The following CAMTA1 variants were observed in gnomAD, a reference collection of about 807,000 sequenced individuals.
CAMTA1 encodes the protein calmodulin binding transcription activator 1.
CAMTA1 carries 27 observed loss-of-function variants against 170.9 expected under a neutral mutation model. The ratio of observed to expected loss-of-function variants is 0.16; its 90% CI spans 0.12 to 0.22. CAMTA1 has a LOEUF of 0.22. Ranked by LOEUF, CAMTA1 falls within the 10% of genes least tolerant of loss-of-function variation. The pLI is 1.00. For missense variants in CAMTA1, 1,619 were observed against 2,217.2 expected (o/e 0.73, Z 5.42); for synonymous variants, 833 against 891.5 (o/e 0.93, Z 1.17).
chr1:7,011,163 A>C (rs1487508249), intron 3 of CAMTA1, among the ~76,000 whole-genome samples: 1 of 152,168 alleles, frequency 6.6e-6, no homozygotes, highest in Non-Finnish European at 1.5e-5. Context: ...CATTGGGTTG[A>C]AGGGTGATTC....
intron 4 of CAMTA1, among the ~76,000 whole-genome samples, chr1:7,107,338 A>C (rs1035177075): frequency 1.3e-5 from 2 of 149,914 alleles, no homozygotes; most frequent in African/African-American, 5.0e-5. Context: ...GGAATGCAAA[A>C]TGGGGCCAAG....
At chr1:6,838,705 AATATGTT>A (rs1654312622) in intron 3 of CAMTA1, among the ~76,000 whole-genome samples, 1 of 152,112 alleles carries the variant, frequency 6.6e-6, no homozygotes, top group South Asian at 2.1e-4. Context: ...CTTTTCTCTT[AATATGTT>A]ATATATCTGT....
intron 5 of CAMTA1, among the ~76,000 whole-genome samples, chr1:7,332,045 C>T (rs1436419558): frequency 6.6e-6 from 1 of 152,182 alleles, no homozygotes. Context: ...CCTTATTACA[C>T]GGTTCCAGGG....
intron 7 of CAMTA1, 103 bp downstream of exon 7, chr1:7,640,656 G>A (rs902109623): frequency 5.9e-5 from 80 of 1,349,398 alleles, no homozygotes; most frequent in South Asian, 1.4e-4. Flanking sequence ...ATGCGGGTCC[G>A]GAGCCCCATC....
At chr1:7,740,971 A>C (rs926548138) in intron 16 of CAMTA1, among the ~76,000 whole-genome samples, 3 of 152,258 alleles carry the variant, frequency 2.0e-5, no homozygotes, top group Admixed American at 2.0e-4. Flanking sequence ...AAATAATTTT[A>C]GAAAAAGTGG....
chr1:6,918,738 C>T lies in CAMTA1; in HGVS notation c.234+93528C>T, dbSNP rs976936354. ...CTCCTTGGGACTTCCTGGTGGATGACGCCTGGGGAGTTAGAAAACACTCAA... is the reference window on the plus strand; with the variant it reads ...CTCCTTGGGACTTCCTGGTGGATGATGCCTGGGGAGTTAGAAAACACTCAA... On this transcript the variant is annotated intron_variant, in intron 3 of 22. Coordinates refer to ENST00000303635, the MANE Select transcript of CAMTA1 (RefSeq NM_015215.4). The surrounding 1 kb of genome is among the most constrained non-coding windows in gnomAD (Gnocchi z 4.0). Among the ~76,000 whole-genome samples the T allele has an allele frequency of 2.6e-5, 4 of 152,160 alleles. No individual in the cohort carries two copies. The highest frequency in any genetic ancestry group is 1.3e-4 in the Admixed American group (2 of 15,278).
At chr1:7,598,327 G>A (rs1315227939) in intron 6 of CAMTA1, among the ~76,000 whole-genome samples, 1 of 152,146 alleles carries the variant, frequency 6.6e-6, no homozygotes, top group African/African-American at 2.4e-5. Context: ...TCTTAATCCA[G>A]TCTATCATTT....
intron 5 of CAMTA1, among the ~76,000 whole-genome samples, chr1:7,310,553 C>T (rs1465608898): frequency 1.3e-5 from 2 of 151,842 alleles, no homozygotes; most frequent in African/African-American, 4.8e-5. Flanking sequence ...AGTAATGTGT[C>T]GTTTTTCTCT....
chr1:7,628,528 C>T (rs1442403850), intron 6 of CAMTA1, among the ~76,000 whole-genome samples: 1 of 152,360 alleles, frequency 6.6e-6, no homozygotes, highest in Non-Finnish European at 1.5e-5. Context: ...TCATGTAGCA[C>T]CTCTCAGTCC....
intron 3 of CAMTA1, among the ~76,000 whole-genome samples, chr1:7,006,462 A>G (rs1236122533): frequency 6.6e-6 from 1 of 152,158 alleles, no homozygotes; most frequent in East Asian, 1.9e-4. Context: ...ATGGGAAAAA[A>G]ACCCAAGCAG....
At chr1:7,724,549 T>C (rs1336081365) in intron 11 of CAMTA1, among the ~76,000 whole-genome samples, 2 of 152,166 alleles carry the variant, frequency 1.3e-5, no homozygotes, top group African/African-American at 4.8e-5. Context: ...ATTGCATGTA[T>C]GGGCCGGGCG....
intron 19 of CAMTA1, among the ~76,000 whole-genome samples, chr1:7,749,965 C>T (rs561094548): frequency 2.0e-5 from 3 of 152,186 alleles, no homozygotes; most frequent in Non-Finnish European, 4.4e-5. Flanking sequence ...CGTGGTTATT[C>T]AGCTGGAGTG....
chr1:7,335,680 C>A (rs763167), intron 5 of CAMTA1, among the ~76,000 whole-genome samples: 2 of 151,674 alleles, frequency 1.3e-5, no homozygotes, highest in South Asian at 4.2e-4. Context: ...ATAGCATTCA[C>A]GCGTGTGTCC....
intron 3 of CAMTA1, among the ~76,000 whole-genome samples, chr1:7,057,305 G>A (rs959040028): frequency 6.6e-6 from 1 of 152,212 alleles, no homozygotes; most frequent in Non-Finnish European, 1.5e-5. Context: ...GTGTGCACAG[G>A]AGCAGCCCTG....
At chr1:7,492,741 A>ACGTG (rs36127212) in intron 6 of CAMTA1, among the ~76,000 whole-genome samples, 86,192 of 135,894 alleles carry the variant, frequency 0.63, 28,203 homozygotes, top group African/African-American at 0.81. Context: ...ACATACACAC[A>ACGTG]CGCGCGCACA....
chr1:7,261,728 A>G (rs1668201512), intron 5 of CAMTA1, among the ~76,000 whole-genome samples: 1 of 152,232 alleles, frequency 6.6e-6, no homozygotes, highest in Non-Finnish European at 1.5e-5. Flanking sequence ...TCACCTCAGG[A>G]CAGAGGATGC....
intron 5 of CAMTA1, among the ~76,000 whole-genome samples, chr1:7,329,278 C>T (rs942145080): frequency 6.6e-6 from 1 of 152,032 alleles, no homozygotes; most frequent in Non-Finnish European, 1.5e-5. Context: ...TGAACACAAA[C>T]TATGACTAAA....
intron 5 of CAMTA1, among the ~76,000 whole-genome samples, chr1:7,318,329 G>A (rs529620257): frequency 4.0e-4 from 61 of 152,340 alleles, no homozygotes; most frequent in Admixed American, 2.5e-3. Flanking sequence ...CTTGGTCAGT[G>A]ACTGGTTGGC....
chr1:6,898,380 C>A (rs1279541182), intron 3 of CAMTA1, among the ~76,000 whole-genome samples: 1 of 152,036 alleles, frequency 6.6e-6, no homozygotes, highest in Non-Finnish European at 1.5e-5. Context: ...GGTGAAACCC[C>A]GTCTCTACTA....
Sources: allele counts gnomAD v4.1 joint callset (sites outside exome capture counted in the v4.1 genomes callset), GRCh38; gene constraint gnomAD v4.1.1; non-coding constraint Gnocchi (gnomAD v3.1); transcripts MANE v1.5; gene names NCBI Gene and HGNC (gene_info 2026-07-23, HGNC 2026-07-21).